ABI3BP: variants seen among roughly 807,000 people sequenced by gnomAD.
ABI3BP encodes ABI family member 3 binding protein.
ABI3BP carries 216 observed loss-of-function variants against 268.6 expected under a neutral mutation model. The ratio of observed to expected loss-of-function variants is 0.80; its 90% CI spans 0.72 to 0.90. The LOEUF is 0.90. Ranked by LOEUF, ABI3BP falls within the 40% of genes least tolerant of loss-of-function variation. The pLI, the probability that ABI3BP is intolerant of heterozygous loss-of-function variation, is 0.00. For synonymous variants in ABI3BP, 730 were observed against 730.0 expected, an observed-to-expected ratio of 1.00 and a Z score of 0.00; for missense variants, 2,090 against 2,182.4, an observed-to-expected ratio of 0.96 and a Z score of 0.84.
At chr3:100,929,748 C>T (rs191858572) in intron 1 of ABI3BP, among the ~76,000 whole-genome samples, 3 of 152,076 alleles carry the variant, frequency 2.0e-5, no homozygotes, top group Admixed American at 1.3e-4. Flanking sequence ...AGGCTTTGGC[C>T]CTACACCTTT....
Position 100,882,202 on chromosome 3 carries a change from T to C in ABI3BP, c.696+3334A>G, listed in dbSNP as rs78700863. 9.1e-3 allele frequency among the ~76,000 whole-genome samples: 1,384 copies of C among 152,200 alleles called. 15 individuals are homozygous for C. Among genetic ancestry groups the C allele is most frequent in the African/African-American group, 0.031 (1,294 of 41,536 alleles). The stretch of plus-strand genomic sequence containing the variant: ...TGCTTGAAATCCAAAAAGCAAAACA[T>C]GTGAAATTAATTTCATATCTCTTGA... On this transcript the variant is annotated intron_variant, in intron 6 of 67. Coordinates refer to ENST00000471714, the MANE Select transcript of ABI3BP (RefSeq NM_001375547.2).
intron 55 of ABI3BP, 143 bp from the exon 56 acceptor site, chr3:100,789,659 G>A (rs1185322238): frequency 4.4e-6 from 3 of 687,206 alleles, no homozygotes; most frequent in Non-Finnish European, 7.2e-6. Flanking sequence ...ATGCATTATA[G>A]ACTTCACGCT....
intron 1 of ABI3BP, among the ~76,000 whole-genome samples, chr3:100,945,090 C>G (rs576970577): frequency 6.6e-6 from 1 of 152,268 alleles, no homozygotes; most frequent in Admixed American, 6.5e-5. Context: ...CAATCTAATA[C>G]TCAAAAGTGT....
In ABI3BP at chr3:100,824,920, G is replaced by T. The variant is rs989524761; in HGVS notation, c.2684C>A (p.Thr895Asn). The T allele has an allele frequency of 6.5e-7, 1 of 1,535,856 alleles. No individual in the cohort carries two copies. The highest frequency in any genetic ancestry group is 8.7e-7 in the Non-Finnish European group (1 of 1,146,552). ...TTLATKTSKR[T>N]RPPRPRPKTT... is the part of the protein sequence containing the mutation. Reference sequence around the variant, plus strand: ...TTTAGGTCTGGGACGTGGAGGGCGGGTTCTTTTTGATGTTTTGGTAGCTGA... The same window carrying T: ...TTTAGGTCTGGGACGTGGAGGGCGGTTTCTTTTTGATGTTTTGGTAGCTGA... Residue 895 changes from threonine (T) to asparagine (N), a missense_variant, in exon 36 of 68, where the codon ACC (threonine) becomes AAC (asparagine). Transcript: ENST00000471714.
chr3:100,798,784 A>C (rs547322887), intron 51 of ABI3BP, among the ~76,000 whole-genome samples: 1 of 152,324 alleles, frequency 6.6e-6, no homozygotes, highest in East Asian at 1.9e-4. Flanking sequence ...TGAAGTCTGC[A>C]ATAAGGTTTA....
At position 100,866,910 on chromosome 3, in the gene ABI3BP, C is replaced by T. The variant is rs984849473; in HGVS notation, c.957G>A (p.Glu319=). 6.2e-7 allele frequency: 1 copy of T among 1,613,644 alleles called. No homozygotes were observed. Among genetic ancestry groups the T allele is most frequent in the South Asian group, 1.1e-5 (1 of 91,076 alleles). ...TGGGTCGTGCTGAGATTTTTTCAAC[C>T]TCTGGTGTTTTAGATTCGGCAGGTA... The part of the protein sequence containing the change: ...LALPAESKTP[E]VEKISARPTT... The change falls in exon 10 of 68, where the codon GAG becomes GAA. Residue 319 remains glutamate (E), a synonymous_variant. Coordinates refer to ENST00000471714, the MANE Select transcript of ABI3BP (RefSeq NM_001375547.2).
In ABI3BP at chr3:100,749,902, AT is replaced by A; in HGVS notation, c.*592del. 1 of 394,562 alleles carries A rather than the reference AT, an allele frequency of 2.5e-6. No individual in the cohort carries two copies. The highest frequency in any genetic ancestry group is 4.5e-6 in the Non-Finnish European group (1 of 223,798). 24.4% of individuals were successfully genotyped at this position (394,562 alleles called of 1,614,324 possible). A position where few individuals can be genotyped will look rare whatever the true frequency, so the allele number is the denominator to read the frequency against. On this transcript the variant is annotated 3_prime_UTR_variant, in exon 68 of 68. Transcript: ENST00000471714. The stretch of plus-strand genomic sequence containing the variant: ...AAGAATTTGTGGATGTTTAAAGGAA[AT>A]GTATATTAGCATGAATGTGTAACTA...
chr3:100,889,149 A>G (rs754612072), intron 4 of ABI3BP, among the ~76,000 whole-genome samples: 7 of 152,130 alleles, frequency 4.6e-5, no homozygotes, highest in Admixed American at 3.9e-4. Context: ...GAAGCCAAAC[A>G]CAATAAATTT....
chr3:100,830,154 TATATATATATAA>T (rs2098466338), intron 32 of ABI3BP, among the ~76,000 whole-genome samples: 31 of 108,406 alleles, frequency 2.9e-4, no homozygotes, highest in African/African-American at 1.2e-3. Context: ...TATATATATA[TATATATATATAA>T]AATGCAGATA....
rs569790126 is a variant in ABI3BP, at chr3:100,764,413, A to C, written c.4850+1428T>G. Reference sequence around the variant, plus strand: ...TTCGTGTGTGTAGCCATACTTAATAAATGTTTGCTGAATGGAAATGCAAAT... The same window carrying C: ...TTCGTGTGTGTAGCCATACTTAATACATGTTTGCTGAATGGAAATGCAAAT... On this transcript the variant is annotated intron_variant, in intron 63 of 67. Transcript: ENST00000471714. Among the ~76,000 whole-genome samples, 5 of 152,372 alleles carry C rather than the reference A, an allele frequency of 3.3e-5. No homozygotes were observed. In the East Asian group the frequency reaches 9.6e-4, roughly 29 times the overall value.
intron 57 of ABI3BP, among the ~76,000 whole-genome samples, chr3:100,781,986 T>C (rs954950711): frequency 7.2e-5 from 11 of 152,214 alleles, no homozygotes; most frequent in Non-Finnish European, 1.6e-4. Context: ...TCTTCAGCAC[T>C]AAGATGCAAA....
chr3:100,890,951 C>T (rs978436094), intron 4 of ABI3BP, among the ~76,000 whole-genome samples: 27 of 149,954 alleles, frequency 1.8e-4, no homozygotes, highest in Admixed American at 1.3e-3. Flanking sequence ...TCATTAATAT[C>T]TTTGGACTCG....
chr3:100,851,495 T>C (rs1476905769), intron 15 of ABI3BP, among the ~76,000 whole-genome samples: 1 of 152,156 alleles, frequency 6.6e-6, no homozygotes, highest in Non-Finnish European at 1.5e-5. Flanking sequence ...GTCTCCACAT[T>C]AGCAAATATC....
chr3:100,786,228 A>T (rs942591004), intron 57 of ABI3BP, among the ~76,000 whole-genome samples: 3 of 152,206 alleles, frequency 2.0e-5, no homozygotes, highest in Non-Finnish European at 2.9e-5. Flanking sequence ...GTAAAGAAAG[A>T]GGAAACAGTG....
At chr3:100,812,362 G>A (rs2097883019) in intron 46 of ABI3BP, 105 bp downstream of exon 46, 2 of 673,370 alleles carry the variant, frequency 3.0e-6, no homozygotes, top group African/African-American at 1.9e-5. Flanking sequence ...GCTGTGAGGA[G>A]CAAGTGGCTA....
chr3:100,873,541 A>T (rs2099131213), intron 9 of ABI3BP, among the ~76,000 whole-genome samples: 1 of 152,162 alleles, frequency 6.6e-6, no homozygotes, highest in Admixed American at 6.5e-5. Flanking sequence ...CATGCTCTTG[A>T]TAACAGAGAG....
At chr3:100,828,046 GA>G (rs995856053) in intron 34 of ABI3BP, among the ~76,000 whole-genome samples, 2 of 151,812 alleles carry the variant, frequency 1.3e-5, no homozygotes, top group Non-Finnish European at 2.9e-5. Context: ...CCCAAAAAAG[GA>G]AAAAAATAAA....
intron 49 of ABI3BP, among the ~76,000 whole-genome samples, chr3:100,808,543 A>C (rs1437437228): frequency 6.6e-6 from 1 of 152,124 alleles, no homozygotes; most frequent in African/African-American, 2.4e-5. Context: ...ATTCATCCTT[A>C]TTATAAGTTC....
chr3:100,953,003 T>G (rs1452652344), intron 1 of ABI3BP, among the ~76,000 whole-genome samples: 1 of 152,226 alleles, frequency 6.6e-6, no homozygotes, highest in Non-Finnish European at 1.5e-5. Context: ...TTCTAGCTTC[T>G]AAAACTTCAT....
Sources: allele counts gnomAD v4.1 joint callset (sites outside exome capture counted in the v4.1 genomes callset), GRCh38; gene constraint gnomAD v4.1.1; transcripts MANE v1.5; gene names NCBI Gene and HGNC (gene_info 2026-07-23, HGNC 2026-07-21).